PRKAR1A: variants seen among roughly 807,000 people sequenced by gnomAD.
PRKAR1A encodes the protein protein kinase cAMP-dependent type I regulatory subunit alpha, also known as cAMP-dependent protein kinase type I-alpha regulatory subunit.
Under a neutral mutation model 52.0 loss-of-function variants are expected in PRKAR1A, and 3 were observed. That is an observed-to-expected ratio of 0.06 (90% CI 0.03 to 0.15). PRKAR1A has a LOEUF of 0.15. PRKAR1A is among the 10% of genes least tolerant of loss of function. The pLI is 1.00. For synonymous variants in PRKAR1A, 188 were observed against 168.4 expected (o/e 1.12, Z -0.90); for missense variants, 240 against 477.4 (o/e 0.50, Z 4.63).
At position 68,524,170 on chromosome 17, in the gene PRKAR1A, C is replaced by T. The variant is rs556039098; in HGVS notation, c.502+93C>T. Reference sequence around the variant, plus strand: ...TTGTTTTATTGAAGTTTGTTTTCCTCTTTGATCCTACCACTTTTTTTTTTC... The same window carrying T: ...TTGTTTTATTGAAGTTTGTTTTCCTTTTTGATCCTACCACTTTTTTTTTTC... On this transcript the variant is annotated intron_variant, in intron 5 of 10. Coordinates refer to ENST00000589228, the MANE Select transcript of PRKAR1A (RefSeq NM_002734.5). 203 of 1,279,394 alleles carry T rather than the reference C, an allele frequency of 1.6e-4. 1 individual carries two copies. Among genetic ancestry groups the T allele is most frequent in the Admixed American group, 8.4e-4 (44 of 52,318 alleles). The allele number at this position is 1,279,394 out of a possible 1,614,324, so 79.3% of individuals were successfully genotyped here.
intron 2 of PRKAR1A, among the ~76,000 whole-genome samples, chr17:68,517,667 C>A (rs1185480223): frequency 6.6e-6 from 1 of 152,190 alleles, no homozygotes; most frequent in East Asian, 1.9e-4. Flanking sequence ...AACTGCAATT[C>A]AAGATGAGAT....
chr17:68,437,445 C>A, the PRKAR1A span, among the ~76,000 whole-genome samples: 1 of 151,868 alleles, frequency 6.6e-6, no homozygotes, highest in African/African-American at 2.4e-5. Context: ...GTCCCAGCTA[C>A]TCGGGAGGCT....
chr17:68,486,404 CTTT>C, the PRKAR1A span, among the ~76,000 whole-genome samples: 12 of 148,962 alleles, frequency 8.1e-5, no homozygotes, highest in Admixed American at 6.7e-5. Context: ...TTCTTTCTTT[CTTT>C]CTTTCTTTCC....
the PRKAR1A span, among the ~76,000 whole-genome samples, chr17:68,502,284 A>G: frequency 6.6e-6 from 1 of 152,232 alleles, no homozygotes; most frequent in Non-Finnish European, 1.5e-5. Flanking sequence ...GCTATGGCTC[A>G]TGGGTTGAAT....
chr17:68,482,925 G>C, the PRKAR1A span, among the ~76,000 whole-genome samples: 310 of 152,336 alleles, frequency 2.0e-3, 1 homozygote, highest in Middle Eastern at 0.01. Flanking sequence ...CTTGATGTCT[G>C]ATCATATCTG....
chr17:68,521,510 C>T (rs553731375), intron 2 of PRKAR1A, among the ~76,000 whole-genome samples: 5 of 152,340 alleles, frequency 3.3e-5, no homozygotes, highest in Admixed American at 1.3e-4. Flanking sequence ...TGATTATAGG[C>T]GTAAGCCACT....
At chr17:68,451,003 C>A in the PRKAR1A span, 8 of 1,423,600 alleles carry the variant, frequency 5.6e-6, no homozygotes, top group South Asian at 7.3e-5. Context: ...AAAGGTTCTC[C>A]GGGTCTTGCC....
At chr17:68,450,661 A>G in the PRKAR1A span, 4 of 1,528,642 alleles carry the variant, frequency 2.6e-6, no homozygotes, top group Non-Finnish European at 2.6e-6. Flanking sequence ...ATCTTGAAAG[A>G]TGTCCATCTT....
At chr17:68,537,840 T>G, downstream of PRKAR1A, 1 of 1,327,340 alleles carries the variant, frequency 7.5e-7, no homozygotes, top group South Asian at 1.3e-5. This position sits in a 1 kb window ranked among gnomAD's most constrained non-coding sequence, Gnocchi z 4.2. Context: ...CTGATACTCT[T>G]GGCGCCTCTC....
At chr17:68,419,003 T>G in the PRKAR1A span, among the ~76,000 whole-genome samples, 1 of 147,360 alleles carries the variant, frequency 6.8e-6, no homozygotes, top group Admixed American at 6.7e-5. Context: ...TAACTGCTTT[T>G]TCTATAGCAA....
the PRKAR1A span, among the ~76,000 whole-genome samples, chr17:68,439,418 A>G: frequency 6.6e-6 from 1 of 152,212 alleles, no homozygotes; most frequent in Non-Finnish European, 1.5e-5. Flanking sequence ...TAAAATGTCC[A>G]GAATAGAGAA....
intron 11 of PRKAR1A, among the ~76,000 whole-genome samples, chr17:68,550,576 T>G (rs1302028346): frequency 6.6e-6 from 1 of 152,082 alleles, no homozygotes; most frequent in African/African-American, 2.4e-5. Context: ...AGATGGGGTT[T>G]CACCATGATG....
chr17:68,463,341 C>T, the PRKAR1A span, among the ~76,000 whole-genome samples: 4 of 152,158 alleles, frequency 2.6e-5, no homozygotes, highest in Non-Finnish European at 5.9e-5. Context: ...ACACAGAAGC[C>T]TCCCTCACCA....
At chr17:68,514,030 G>A (rs1568686670) in intron 1 of PRKAR1A, among the ~76,000 whole-genome samples, 2 of 152,108 alleles carry the variant, frequency 1.3e-5, no homozygotes, top group Admixed American at 6.5e-5. Flanking sequence ...TGGAGAAGTG[G>A]CTTGTATAAA....
the PRKAR1A span, among the ~76,000 whole-genome samples, chr17:68,452,640 A>G: frequency 6.6e-6 from 1 of 152,240 alleles, no homozygotes; most frequent in African/African-American, 2.4e-5. Flanking sequence ...TGTGCATATA[A>G]GCATGTGAAA....
the PRKAR1A span, among the ~76,000 whole-genome samples, chr17:68,486,517 CTTTCTT>C: frequency 1.3e-4 from 10 of 76,486 alleles, no homozygotes; most frequent in Non-Finnish European, 2.2e-4. Context: ...TTCTTTCTTT[CTTTCTT>C]TCTTTCTTTC....
the PRKAR1A span, among the ~76,000 whole-genome samples, chr17:68,491,799 A>G: frequency 1.3e-5 from 2 of 152,090 alleles, no homozygotes; most frequent in African/African-American, 4.8e-5. Context: ...AAAAAAAAAA[A>G]GAAAAAAGTA....
chr17:68,449,979 C>T, the PRKAR1A span, among the ~76,000 whole-genome samples: 2 of 152,248 alleles, frequency 1.3e-5, no homozygotes, highest in South Asian at 4.1e-4. Context: ...CCACTGCATT[C>T]CAGCCTGGGC....
intron 1 of PRKAR1A, chr17:68,515,100 C>T: frequency 2.4e-6 from 1 of 415,208 alleles, no homozygotes; most frequent in East Asian, 4.8e-5. Flanking sequence ...GGCCTGACTT[C>T]AGCACCCGTC....
Sources: allele counts gnomAD v4.1 joint callset (sites outside exome capture counted in the v4.1 genomes callset), GRCh38; gene constraint gnomAD v4.1.1; non-coding constraint Gnocchi (gnomAD v3.1); transcripts MANE v1.5; gene names NCBI Gene and HGNC (gene_info 2026-07-23, HGNC 2026-07-21).